PLXNA2: variants seen among roughly 807,000 people sequenced by gnomAD.
PLXNA2 encodes plexin-A2.
Under a neutral mutation model 193.5 loss-of-function variants are expected in PLXNA2, and 91 were observed. That is an observed-to-expected ratio of 0.47 (90% CI 0.40 to 0.56). The LOEUF is 0.56. Ranked by LOEUF, PLXNA2 falls within the 20% of genes least tolerant of loss-of-function variation. PLXNA2 has a pLI of 0.00. For synonymous variants in PLXNA2, 997 were observed against 1,027.3 expected, an observed-to-expected ratio of 0.97 and a Z score of 0.56; for missense variants, 1,995 against 2,503.2, an observed-to-expected ratio of 0.80 and a Z score of 4.33.
intron 4 of PLXNA2, among the ~76,000 whole-genome samples, chr1:208,137,269 T>C (rs1470884951): frequency 1.3e-5 from 2 of 152,206 alleles, no homozygotes; most frequent in Non-Finnish European, 2.9e-5. Flanking sequence ...GCTGGATCAT[T>C]TCATGCCTCT....
intron 3 of PLXNA2, among the ~76,000 whole-genome samples, chr1:208,173,913 C>T (rs1208566755): frequency 6.6e-6 from 1 of 152,242 alleles, no homozygotes; most frequent in Non-Finnish European, 1.5e-5. Flanking sequence ...CTCTGCCCCT[C>T]CTGGGAATGC....
Position 208,142,336 on chromosome 1 carries a change from T to G in PLXNA2, c.1499A>C (p.Glu500Ala). Residue 500 changes from glutamate to alanine, a missense_variant, in exon 4 of 32, where the codon GAG becomes GCG. Coordinates refer to ENST00000367033, the MANE Select transcript of PLXNA2 (RefSeq NM_025179.4). Reference protein sequence around the residue: ...IDQRYLYVMSERQVTRVPVES... With the variant: ...IDQRYLYVMSARQVTRVPVES... ...ATGGATGTTAGCACTTACCTGTCTC[T>G]CAGACATGACGTACAGGTAGCGCTG... 6.3e-7 allele frequency: 1 copy of G among 1,597,644 alleles called. No homozygotes were observed.
At chr1:208,196,384 T>C (rs1366801014) in intron 3 of PLXNA2, among the ~76,000 whole-genome samples, 1 of 152,226 alleles carries the variant, frequency 6.6e-6, no homozygotes, top group African/African-American at 2.4e-5. Context: ...ATATTGACCA[T>C]TAGCCAATTA....
chr1:208,164,828 C>CGGCA (rs773405124), intron 3 of PLXNA2, among the ~76,000 whole-genome samples: 3 of 152,188 alleles, frequency 2.0e-5, no homozygotes, highest in Non-Finnish European at 1.5e-5. Context: ...CTGACTCTAG[C>CGGCA]GGCACTAACG....
intron 3 of PLXNA2, among the ~76,000 whole-genome samples, chr1:208,168,367 C>T (rs1669376297): frequency 6.6e-6 from 1 of 152,196 alleles, no homozygotes. Flanking sequence ...TAAAACAGGG[C>T]ACTAGAATGC....
intron 22 of PLXNA2, 64 bp downstream of exon 22, chr1:208,042,034 A>G (rs2102318373): frequency 6.5e-7 from 1 of 1,541,346 alleles, no homozygotes; most frequent in Non-Finnish European, 8.8e-7. Context: ...GGCCTGCTAT[A>G]ATGAGGTGCT....
intron 5 of PLXNA2, 95 bp from the exon 6 acceptor site, chr1:208,099,064 A>G: frequency 6.8e-7 from 1 of 1,466,688 alleles, no homozygotes. Context: ...TGCTGCCCTG[A>G]GGCCTGTGTC....
intron 1 of PLXNA2, chr1:208,230,478 A>T (rs567352007): frequency 6.6e-6 from 1 of 152,462 alleles, no homozygotes; most frequent in South Asian, 2.1e-4. Flanking sequence ...CACCTGTGGC[A>T]GCACAGAAGG....
At chr1:208,143,200 G>A (rs528175082) in intron 3 of PLXNA2, among the ~76,000 whole-genome samples, 2 of 152,326 alleles carry the variant, frequency 1.3e-5, no homozygotes, top group South Asian at 2.1e-4. Flanking sequence ...TCTGTGGGTG[G>A]GGCCCAGGCA....
intron 4 of PLXNA2, among the ~76,000 whole-genome samples, chr1:208,110,041 C>A (rs1667412194): frequency 6.6e-6 from 1 of 152,216 alleles, no homozygotes; most frequent in South Asian, 2.1e-4. Flanking sequence ...TGCCTGGCAG[C>A]CTAGTGTACT....
At chr1:208,108,931 C>G (rs1667368879) in intron 4 of PLXNA2, among the ~76,000 whole-genome samples, 1 of 152,298 alleles carries the variant, frequency 6.6e-6, no homozygotes, top group East Asian at 1.9e-4. Context: ...AAGAGAGACA[C>G]AGAGGGATGA....
intron 1 of PLXNA2, among the ~76,000 whole-genome samples, chr1:208,221,207 T>C (rs1028940963): frequency 3.9e-5 from 6 of 152,172 alleles, no homozygotes; most frequent in African/African-American, 1.4e-4. Context: ...TATTTCTTGA[T>C]CTTAAAACAA....
chr1:208,093,747 T>G (rs943306911), intron 8 of PLXNA2, among the ~76,000 whole-genome samples: 3 of 152,176 alleles, frequency 2.0e-5, no homozygotes, highest in African/African-American at 7.2e-5. Flanking sequence ...CTTGCCAGGG[T>G]GAGCACTTCT....
chr1:208,035,947 G>A (rs1007081957), intron 26 of PLXNA2, among the ~76,000 whole-genome samples: 2 of 152,182 alleles, frequency 1.3e-5, no homozygotes, highest in African/African-American at 4.8e-5. Flanking sequence ...ACATCTCTTT[G>A]TTAATTAAGA....
chr1:208,075,648 A>C (rs1472489934), intron 12 of PLXNA2, among the ~76,000 whole-genome samples: 1 of 152,220 alleles, frequency 6.6e-6, no homozygotes, highest in Non-Finnish European at 1.5e-5. Flanking sequence ...CTTTGCCTGA[A>C]ACAATTATTA....
chr1:208,121,431 CT>C (rs1667804050), intron 4 of PLXNA2, among the ~76,000 whole-genome samples: 1 of 152,168 alleles, frequency 6.6e-6, no homozygotes, highest in Non-Finnish European at 1.5e-5. Context: ...CATATCTCAC[CT>C]TGAATTGTAA....
chr1:208,056,650 T>C (rs1218150582), intron 13 of PLXNA2, among the ~76,000 whole-genome samples: 2 of 151,754 alleles, frequency 1.3e-5, no homozygotes, highest in African/African-American at 4.8e-5. Flanking sequence ...AGGAGAAGAG[T>C]GATGACTGAG....
Position 208,092,953 on chromosome 1 carries a change from T to G in PLXNA2, c.1983-53A>C, listed in dbSNP as rs1211166240. The G allele has an allele frequency of 2.1e-5, 26 of 1,242,588 alleles. No homozygotes were observed. The Admixed American group carries it at 3.8e-4, about 18-fold the overall frequency. The allele number at this position is 1,242,588 out of a possible 1,614,324, so 77.0% of individuals were successfully genotyped here. ...AAGAGAAGAGAACAAAGAGGGAAGG[T>G]GGCATGTGTCATGATAGAAGTCTGT... On this transcript the variant is annotated intron_variant, in intron 8 of 31. Transcript: ENST00000367033.
intron 12 of PLXNA2, among the ~76,000 whole-genome samples, chr1:208,067,426 C>T (rs1221037339): frequency 1.3e-5 from 2 of 151,990 alleles, no homozygotes; most frequent in African/African-American, 2.4e-5. Flanking sequence ...TTTAGTGTAG[C>T]CTAAGTGCAT....
Sources: gnomAD v4.1 joint callset for allele counts (sites outside exome capture counted in the v4.1 genomes callset) on GRCh38, gnomAD v4.1.1 for gene constraint, MANE v1.5 for transcripts, NCBI Gene and HGNC (gene_info 2026-07-23, HGNC 2026-07-21) for gene names.